The following ZNF211 variants were observed in gnomAD, a reference collection of about 807,000 sequenced individuals.
ZNF211 encodes the protein zinc finger protein 211.
Under a neutral mutation model 12.1 loss-of-function variants are expected in ZNF211, and 18 were observed. The ratio of observed to expected loss-of-function variants is 1.48; its 90% CI spans 1.03 to 2.20. The LOEUF is 2.20. Ranked by LOEUF, ZNF211 falls within the 30% of genes most tolerant of loss-of-function variation. The pLI, the probability that ZNF211 is intolerant of heterozygous loss-of-function variation, is 0.00. For missense variants in ZNF211, 677 were observed against 703.1 expected (o/e 0.96, Z 0.42); for synonymous variants, 249 against 246.0 (o/e 1.01, Z -0.11).
Position 57,633,400 on chromosome 19 carries a change from G to C in ZNF211, c.54G>C (p.Gln18His). The C allele has an allele frequency of 6.2e-7, 1 of 1,604,700 alleles. No individual in the cohort carries two copies. The highest frequency in any genetic ancestry group is 8.5e-7 in the Non-Finnish European group (1 of 1,178,746). Reference sequence around the variant, plus strand: ...AGCTCCCGGTCCAGCTCCGCCCACAGACTCGGATGGCGACCGCACTGAGGG... The same window carrying C: ...AGCTCCCGGTCCAGCTCCGCCCACACACTCGGATGGCGACCGCACTGAGGG... Reference protein sequence around the residue: ...RPQLPVQLRPQTRMATALRDP... With the variant: ...RPQLPVQLRPHTRMATALRDP... The change falls in exon 1 of 4, where the codon CAG becomes CAC. Residue 18 changes from glutamine (Q) to histidine (H), a missense_variant. Coordinates refer to ENST00000240731, the MANE Select transcript of ZNF211 (RefSeq NM_006385.5).
intron 3 of ZNF211, among the ~76,000 whole-genome samples, chr19:57,638,854 A>G (rs557125954): frequency 6.6e-6 from 1 of 152,130 alleles, no homozygotes; most frequent in African/African-American, 2.4e-5. Context: ...AGTTCTGTCC[A>G]TTTTTGCCTC....
At position 57,639,124 on chromosome 19, in the gene ZNF211, A is replaced by G. The variant is rs1444033221; in HGVS notation, c.257-1580A>G. Among the ~76,000 whole-genome samples the G allele has an allele frequency of 8.5e-5, 13 of 152,110 alleles. 1 individual carries two copies. The highest frequency in any genetic ancestry group is 8.5e-4 in the Admixed American group (13 of 15,266). ...CTAAAGCAAATCTCTTGTAGACATC[A>G]TAAAGTTGGATCATGGGTTGTTTTT... is the stretch of plus-strand genomic sequence containing the variant. On this transcript the variant is annotated intron_variant, in intron 3 of 3. Transcript: ENST00000240731.
intron 1 of ZNF211, 174 bp downstream of exon 1, chr19:57,633,610 G>T: frequency 6.5e-7 from 1 of 1,530,206 alleles, no homozygotes; most frequent in Non-Finnish European, 8.7e-7. Flanking sequence ...ACCGGCGCGT[G>T]CAGGGCTTGG....
rs1456648607 is a variant in ZNF211 at position 57,643,844 on chromosome 19, T to G, written c.*1663T>G. The stretch of plus-strand genomic sequence containing the variant: ...TTTCTATAATATATGATTTTATTAA[T>G]AAAATGTCTTTTTTTCCAGTTTCAT... On this transcript the variant is annotated 3_prime_UTR_variant, in exon 4 of 4. Coordinates refer to ENST00000240731, the MANE Select transcript of ZNF211 (RefSeq NM_006385.5). 2.0e-5 allele frequency among the ~76,000 whole-genome samples: 3 copies of G among 152,210 alleles called. No individual in the cohort carries two copies. The highest frequency in any genetic ancestry group is 4.4e-5 in the Non-Finnish European group (3 of 68,048).
chr19:57,642,254 C>A lies in ZNF211; in HGVS notation c.*73C>A. 1 of 1,479,702 alleles carries A rather than the reference C, an allele frequency of 6.8e-7. No homozygotes were observed. The highest frequency in any genetic ancestry group is 9.0e-7 in the Non-Finnish European group (1 of 1,108,176). The allele number at this position is 1,479,702 out of a possible 1,614,324, so 91.7% of individuals were successfully genotyped here. On this transcript the variant is annotated 3_prime_UTR_variant, in exon 4 of 4. Transcript: ENST00000240731. ...AGTACACCTGTGAGAGAGACAAGTA[C>A]CTGATTTGGAAGCCCCAACATCTAA... is the stretch of plus-strand genomic sequence containing the variant.
In ZNF211 at chr19:57,633,332, G is replaced by A. The variant is rs767063223; in HGVS notation, c.-15G>A. 2 of 1,568,556 alleles carry A rather than the reference G, an allele frequency of 1.3e-6. No homozygotes were observed. The highest frequency in any genetic ancestry group is 1.7e-6 in the Non-Finnish European group (2 of 1,160,976). ...CGGGGGCAGAGCCGCCCGCGAGGCC[G>A]GCCTGGGGATAGCGATGCTCGGGTT... On this transcript the variant is annotated 5_prime_UTR_variant, in exon 1 of 4. Coordinates refer to ENST00000240731, the MANE Select transcript of ZNF211 (RefSeq NM_006385.5).
intron 3 of ZNF211, among the ~76,000 whole-genome samples, chr19:57,636,091 A>G (rs1326615871): frequency 1.3e-5 from 2 of 152,146 alleles, no homozygotes; most frequent in African/African-American, 4.8e-5. Flanking sequence ...AATTAGAAGT[A>G]TTAAATATAA....
In ZNF211 at chr19:57,642,321, G is replaced by C. The variant is rs572034215; in HGVS notation, c.*140G>C. On this transcript the variant is annotated 3_prime_UTR_variant, in exon 4 of 4. Coordinates refer to ENST00000240731, the MANE Select transcript of ZNF211 (RefSeq NM_006385.5). ...GATTCCCCTTAAGTTCCAGGTATGT[G>C]TTACACTTTCTAACATGCCATTTAG... The C allele has an allele frequency of 1.1e-6, 1 of 945,024 alleles. No homozygotes were observed. The highest frequency in any genetic ancestry group is 1.8e-5 in the South Asian group (1 of 54,218). 58.5% of individuals were successfully genotyped at this position (945,024 alleles called of 1,614,324 possible).
At position 57,634,065 on chromosome 19, in the gene ZNF211, A is replaced by T; in HGVS notation, c.129+4A>T. ...GGTGCTTTTCAAACTTACACAGGTAAGTGGAGGTATCTCAGCCCCTCACTG... is the reference window on the plus strand; with the variant it reads ...GGTGCTTTTCAAACTTACACAGGTATGTGGAGGTATCTCAGCCCCTCACTG... On this transcript the variant is annotated splice_donor_region_variant and intron_variant, in intron 2 of 3. Transcript: ENST00000240731. The T allele has an allele frequency of 6.4e-7, 1 of 1,569,824 alleles. No homozygotes were observed. Among genetic ancestry groups the T allele is most frequent in the South Asian group, 1.2e-5 (1 of 83,122 alleles).
Position 57,642,034 on chromosome 19 carries a change from A to C in ZNF211, c.1587A>C (p.Lys529Asn), listed in dbSNP as rs751803606. ...ERPYECSECG[K>N]SFSQSSSLIQ... ...CTTATGAGTGCAGTGAATGTGGGAA[A>C]TCCTTTAGCCAAAGTTCTAGCCTCA... The change falls in exon 4 of 4, where the codon AAA becomes AAC. Residue 529 changes from lysine (K) to asparagine (N), a missense_variant. Coordinates refer to ENST00000240731, the MANE Select transcript of ZNF211 (RefSeq NM_006385.5). 1.2e-6 allele frequency: 2 copies of C among 1,614,158 alleles called. No homozygotes were observed. Among genetic ancestry groups the C allele is most frequent in the Non-Finnish European group, 1.7e-6 (2 of 1,179,992 alleles).
intron 3 of ZNF211, among the ~76,000 whole-genome samples, chr19:57,639,482 C>T (rs1982601364): frequency 1.6e-5 from 2 of 129,008 alleles, no homozygotes; most frequent in East Asian, 2.3e-4. Context: ...TGCAGTGGGG[C>T]GATCTCGGCT....
chr19:57,633,739 G>T (rs1342398815), intron 1 of ZNF211: 1 of 1,533,408 alleles, frequency 6.5e-7, no homozygotes. Context: ...GAGAGCTTGC[G>T]CAAACGAGAG....
In ZNF211 at chr19:57,636,291, A is replaced by G. The variant is rs1166243510; in HGVS notation, c.256+1536A>G. On this transcript the variant is annotated intron_variant, in intron 3 of 3. Coordinates refer to ENST00000240731, the MANE Select transcript of ZNF211 (RefSeq NM_006385.5). ...TACTTTTATTGTCTATGCTTTTTAT[A>G]TCATATCCAAGGAATCATTAACAAG... Among the ~76,000 whole-genome samples the G allele has an allele frequency of 9.3e-4, 141 of 152,118 alleles. 3 individuals carry two copies. The highest frequency in any genetic ancestry group is 9.2e-3 in the Admixed American group (140 of 15,262).
At chr19:57,637,686 AAGG>A (rs1568639840) in intron 3 of ZNF211, among the ~76,000 whole-genome samples, 1 of 152,212 alleles carries the variant, frequency 6.6e-6, no homozygotes, top group Non-Finnish European at 1.5e-5. Flanking sequence ...AATAATCATC[AAGG>A]ATATTGGTCT....
Position 57,641,945 on chromosome 19 carries a change from A to G in ZNF211, c.1498A>G (p.Ser500Gly), listed in dbSNP as rs865963734. The stretch of plus-strand genomic sequence containing the variant: ...AAGACCTGTTGAGTGCAGTGAATGT[A>G]GCAAATCCTTTAGCTGTAAATCTAA... The part of the protein sequence containing the change: ...GERPVECSEC[S>G]KSFSCKSNLI... The change falls in exon 4 of 4, where the codon AGC becomes GGC. Residue 500 changes from serine (S) to glycine (G), a missense_variant. Physicochemically the swap from Ser to Gly is moderately conservative, Grantham distance 56 (BLOSUM62 0). Coordinates refer to ENST00000240731, the MANE Select transcript of ZNF211 (RefSeq NM_006385.5). 2 of 1,613,684 alleles carry G rather than the reference A, an allele frequency of 1.2e-6. No individual in the cohort carries two copies. The highest frequency in any genetic ancestry group is 2.7e-5 in the African/African-American group (2 of 74,790).
At position 57,633,685 on chromosome 19, in the gene ZNF211, T is replaced by A. The variant is rs1981746702; in HGVS notation, c.90+249T>A. ...CACATTGTTACTGCAGGGAACAAAG[T>A]TTGAGAGAGATCTACCTTTATTCTT... On this transcript the variant is annotated intron_variant, in intron 1 of 3. Coordinates refer to ENST00000240731, the MANE Select transcript of ZNF211 (RefSeq NM_006385.5). 2.6e-6 allele frequency: 4 copies of A among 1,533,544 alleles called. No homozygotes were observed. The East Asian group carries it at 7.4e-5, about 28-fold the overall frequency. The allele number at this position is 1,533,544 out of a possible 1,614,324, so 95.0% of individuals were successfully genotyped here.
chr19:57,633,761 G>A, intron 1 of ZNF211: 2 of 1,535,404 alleles, frequency 1.3e-6, no homozygotes, highest in Non-Finnish European at 1.7e-6. Context: ...CACCATCTGA[G>A]TTAAATTTGA....
chr19:57,634,175 G>A, intron 2 of ZNF211, 114 bp downstream of exon 2: 3 of 1,247,796 alleles, frequency 2.4e-6, no homozygotes, highest in Non-Finnish European at 3.3e-6. Context: ...TTCTCTCAGC[G>A]TTTGGTTTGG....
rs367919865 is a variant in ZNF211 at position 57,641,077 on chromosome 19, C to A, written c.630C>A (p.Asn210Lys). 1.2e-6 allele frequency: 2 copies of A among 1,614,040 alleles called. No homozygotes were observed. Among genetic ancestry groups the A allele is most frequent in the African/African-American group, 2.7e-5 (2 of 74,916 alleles). ...AGATCAGGAAAGACTTCCTGGCCAA[C>A]ATGAGGTTTCTCCATCAAGACGCCA... ...CREIRKDFLA[N>K]MRFLHQDATQ... Residue 210 changes from asparagine (N) to lysine (K), a missense_variant, in exon 4 of 4, where the codon AAC becomes AAA. Transcript: ENST00000240731.
Sources: allele counts gnomAD v4.1 joint callset (sites outside exome capture counted in the v4.1 genomes callset), GRCh38; gene constraint gnomAD v4.1.1; transcripts MANE v1.5; gene names NCBI Gene and HGNC (gene_info 2026-07-23, HGNC 2026-07-21).